The following RSRC1 variants were observed in gnomAD, a reference collection of about 807,000 sequenced individuals.
RSRC1 encodes serine/Arginine-related protein 53.
RSRC1 carries 39 observed loss-of-function variants against 49.1 expected under a neutral mutation model. That is an observed-to-expected ratio of 0.79 (90% CI 0.61 to 1.04). The LOEUF (loss-of-function observed/expected upper bound fraction) is 1.04. Ranked by LOEUF, RSRC1 falls within the 50% of genes least tolerant of loss-of-function variation. RSRC1 has a pLI of 0.00. For synonymous variants in RSRC1, 143 were observed against 130.8 expected, an observed-to-expected ratio of 1.09 and a Z score of -0.63; for missense variants, 388 against 402.4, an observed-to-expected ratio of 0.96 and a Z score of 0.31.
chr3:158,318,030 T>C (rs201274890), intron 5 of RSRC1, among the ~76,000 whole-genome samples: 9,836 of 150,850 alleles, frequency 0.065, 364 homozygotes, highest in African/African-American at 0.1. Context: ...TGTGTGCGTG[T>C]GTGTGTGTGT....
At chr3:158,121,124 C>T (rs1715229894) in intron 1 of RSRC1, among the ~76,000 whole-genome samples, 1 of 151,724 alleles carries the variant, frequency 6.6e-6, no homozygotes, top group African/African-American at 2.4e-5. Context: ...TACATATTTT[C>T]TTAAATTATC....
intron 5 of RSRC1, among the ~76,000 whole-genome samples, chr3:158,321,898 CTT>C (rs984441318): frequency 6.9e-4 from 105 of 151,860 alleles, no homozygotes; most frequent in African/African-American, 2.4e-3. Context: ...ATATTATAAA[CTT>C]AATGCAATAT....
Position 158,431,340 on chromosome 3 carries a change from A to G in RSRC1, c.584-29595A>G, listed in dbSNP as rs547837312. Among the ~76,000 whole-genome samples the G allele has an allele frequency of 2.0e-4, 30 of 152,052 alleles. 1 individual carries two copies. In the South Asian group the frequency reaches 6.2e-3, roughly 32 times the overall value. On this transcript the variant is annotated intron_variant, in intron 6 of 9. Transcript: ENST00000611884. ...AGCTAACATAAATTTTCTATTCCAA[A>G]TAATAAAAGGCAGCACACTCAAAGA...
chr3:158,437,175 G>C (rs1324838003), intron 6 of RSRC1, among the ~76,000 whole-genome samples: 2 of 151,430 alleles, frequency 1.3e-5, no homozygotes, highest in Non-Finnish European at 1.5e-5. Flanking sequence ...CAAATTCCCG[G>C]GGTAGTGTGT....
At chr3:158,231,297 G>A (rs182562098) in intron 4 of RSRC1, among the ~76,000 whole-genome samples, 4 of 151,548 alleles carry the variant, frequency 2.6e-5, no homozygotes, top group East Asian at 1.9e-4. Flanking sequence ...CACCACACCC[G>A]TCTAATTTTT....
At chr3:158,404,460 A>G (rs1460366932) in intron 6 of RSRC1, among the ~76,000 whole-genome samples, 1 of 151,962 alleles carries the variant, frequency 6.6e-6, no homozygotes, top group African/African-American at 2.4e-5. Context: ...CACTGCTACA[A>G]ACTATAAAAT....
chr3:158,339,701 G>T (rs1183656252), intron 5 of RSRC1, among the ~76,000 whole-genome samples: 8 of 152,170 alleles, frequency 5.3e-5, no homozygotes, highest in African/African-American at 1.7e-4. Flanking sequence ...TATACTTACT[G>T]ATCACCAACT....
chr3:158,392,200 A>G (rs1278969997), intron 6 of RSRC1, among the ~76,000 whole-genome samples: 4 of 152,112 alleles, frequency 2.6e-5, no homozygotes, highest in African/African-American at 9.7e-5. Flanking sequence ...AGATTCAGAT[A>G]TCAATTGCTG....
At chr3:158,241,323 C>T (rs1225629248) in intron 4 of RSRC1, among the ~76,000 whole-genome samples, 1 of 151,938 alleles carries the variant, frequency 6.6e-6, no homozygotes. Context: ...GTAGCGCGCA[C>T]CTGTAGTTCC....
chr3:158,269,161 G>A (rs1317774693), intron 4 of RSRC1, among the ~76,000 whole-genome samples: 3 of 152,088 alleles, frequency 2.0e-5, no homozygotes, highest in Admixed American at 6.5e-5. Flanking sequence ...TTAATTTCCA[G>A]TTTTAATTAT....
intron 6 of RSRC1, among the ~76,000 whole-genome samples, chr3:158,383,238 C>A (rs1280800891): frequency 6.6e-6 from 1 of 152,096 alleles, no homozygotes; most frequent in East Asian, 1.9e-4. Flanking sequence ...TCTGGGTCAT[C>A]AAGAAAGGAT....
rs1377921766 is a variant in RSRC1, at chr3:158,238,470, T to G, written c.494+35225T>G. On this transcript the variant is annotated intron_variant, in intron 4 of 9. Coordinates refer to ENST00000611884, the MANE Select transcript of RSRC1 (RefSeq NM_001271838.2). ...CATGCTACCTGACTTCAAACTATAC[T>G]ACAAGGCTACAGTAACCAAAACAGC... is the stretch of plus-strand genomic sequence containing the variant. Among the ~76,000 whole-genome samples, 5 of 152,184 alleles carry G rather than the reference T, an allele frequency of 3.3e-5. No individual in the cohort carries two copies. In the East Asian group the frequency reaches 9.7e-4, roughly 29 times the overall value.
intron 3 of RSRC1, among the ~76,000 whole-genome samples, chr3:158,174,142 G>A (rs1345361878): frequency 6.6e-6 from 1 of 151,762 alleles, no homozygotes; most frequent in Non-Finnish European, 1.5e-5. Flanking sequence ...AAAGATTCAA[G>A]ATAATATATT....
At chr3:158,322,281 T>C (rs1728807930) in intron 5 of RSRC1, among the ~76,000 whole-genome samples, 1 of 152,154 alleles carries the variant, frequency 6.6e-6, no homozygotes, top group South Asian at 2.1e-4. Flanking sequence ...TAAATTTTGG[T>C]AGAGATGGGA....
chr3:158,500,467 A>C (rs1018162963), intron 7 of RSRC1, among the ~76,000 whole-genome samples: 38 of 152,204 alleles, frequency 2.5e-4, no homozygotes, highest in African/African-American at 9.1e-4. Flanking sequence ...TATCGGTAGA[A>C]TTCTGCTGAG....
At chr3:158,196,221 T>C (rs914879938) in intron 3 of RSRC1, among the ~76,000 whole-genome samples, 2 of 151,940 alleles carry the variant, frequency 1.3e-5, no homozygotes, top group African/African-American at 4.8e-5. Flanking sequence ...TTCACATCCC[T>C]TGTAAGTTGG....
At chr3:158,439,051 A>T (rs978093307) in intron 6 of RSRC1, among the ~76,000 whole-genome samples, 1 of 152,152 alleles carries the variant, frequency 6.6e-6, no homozygotes, top group African/African-American at 2.4e-5. Flanking sequence ...CAGCCAAAAG[A>T]CACATGAAAA....
intron 5 of RSRC1, among the ~76,000 whole-genome samples, chr3:158,300,929 A>G (rs1209704811): frequency 1.3e-5 from 2 of 152,114 alleles, no homozygotes; most frequent in Non-Finnish European, 2.9e-5. Context: ...GTATATAGTT[A>G]TATGTAACCC....
intron 3 of RSRC1, among the ~76,000 whole-genome samples, chr3:158,177,037 A>G (rs1479759878): frequency 6.6e-6 from 1 of 152,240 alleles, no homozygotes; most frequent in Non-Finnish European, 1.5e-5. Flanking sequence ...AGACACATGA[A>G]AAAATGCTCA....
Sources: allele counts gnomAD v4.1 joint callset (sites outside exome capture counted in the v4.1 genomes callset), GRCh38; gene constraint gnomAD v4.1.1; transcripts MANE v1.5; gene names NCBI Gene and HGNC (gene_info 2026-07-23, HGNC 2026-07-21).